Variants in FRMD3 observed in about 807,000 individuals in gnomAD.
FRMD3 encodes FERM domain-containing protein 3.
FRMD3 carries 33 observed loss-of-function variants against 70.2 expected under a neutral mutation model. The ratio of observed to expected loss-of-function variants is 0.47; its 90% CI spans 0.36 to 0.63. The LOEUF (loss-of-function observed/expected upper bound fraction) is 0.63, where lower values mean the gene tolerates loss of function less well. FRMD3 is among the 20% of genes least tolerant of loss of function. The pLI is 0.00. For synonymous variants in FRMD3, 279 were observed against 255.9 expected, an observed-to-expected ratio of 1.09 and a Z score of -0.86; for missense variants, 632 against 711.4, an observed-to-expected ratio of 0.89 and a Z score of 1.27.
chr9:83,355,841 T>C (rs967966380), intron 3 of FRMD3, among the ~76,000 whole-genome samples: 2 of 151,874 alleles, frequency 1.3e-5, no homozygotes, highest in Non-Finnish European at 2.9e-5. Context: ...ACCACCAGAG[T>C]AGCAGAGAAG....
intron 13 of FRMD3, among the ~76,000 whole-genome samples, chr9:83,288,139 A>G (rs1187134952): frequency 6.6e-6 from 1 of 152,212 alleles, no homozygotes; most frequent in Non-Finnish European, 1.5e-5. Context: ...CCCATTCACA[A>G]AGATGAAAAC....
chr9:83,469,853 G>C (rs1041473627), intron 1 of FRMD3, among the ~76,000 whole-genome samples: 1 of 152,192 alleles, frequency 6.6e-6, no homozygotes. Context: ...AACTAAGATG[G>C]GGGGCGGGGA....
intron 4 of FRMD3, among the ~76,000 whole-genome samples, chr9:83,346,545 AAG>A (rs1374990739): frequency 6.6e-6 from 1 of 152,196 alleles, no homozygotes; most frequent in Non-Finnish European, 1.5e-5. Context: ...CTTGGGAGAA[AAG>A]AGAATACTGG....
At chr9:83,540,084 G>C (rs375500242), upstream of FRMD3, among the ~76,000 whole-genome samples, 6 of 152,148 alleles carry the variant, frequency 3.9e-5, no homozygotes, top group Non-Finnish European at 7.4e-5. Context: ...TCCCACAGGT[G>C]GCTGGGAAGC....
intron 1 of FRMD3, among the ~76,000 whole-genome samples, chr9:83,450,663 C>T (rs762299726): frequency 3.9e-5 from 6 of 152,194 alleles, no homozygotes; most frequent in Non-Finnish European, 8.8e-5. Flanking sequence ...AGGGAAGGCT[C>T]TGACTCCAGG....
At chr9:83,500,580 A>T (rs7045457) in intron 1 of FRMD3, among the ~76,000 whole-genome samples, 4,810 of 145,328 alleles carry the variant, frequency 0.033, 263 homozygotes, top group African/African-American at 0.11. Context: ...GAGAACCATC[A>T]GTCTATAGGA....
intron 1 of FRMD3, among the ~76,000 whole-genome samples, chr9:83,529,333 T>C (rs995069943): frequency 2.0e-5 from 3 of 152,170 alleles, no homozygotes; most frequent in African/African-American, 7.2e-5. Flanking sequence ...TGACACAAAA[T>C]GGATCAAATA....
At chr9:83,271,454 T>A (rs1002080383) in intron 13 of FRMD3, among the ~76,000 whole-genome samples, 3 of 152,180 alleles carry the variant, frequency 2.0e-5, no homozygotes, top group Non-Finnish European at 4.4e-5. Context: ...AGGAGGGGTA[T>A]ATTCTTGGGT....
the FRMD3 span, among the ~76,000 whole-genome samples, chr9:83,548,109 T>C: frequency 2.6e-5 from 4 of 152,214 alleles, no homozygotes; most frequent in East Asian, 1.9e-4. Context: ...GGAATTCTCA[T>C]TGATCACTGG....
chr9:83,434,819 CTTTTTTTTTTTTT>C (rs757810185), intron 1 of FRMD3, among the ~76,000 whole-genome samples: 1 of 74,878 alleles, frequency 1.3e-5, no homozygotes, highest in Non-Finnish European at 2.3e-5. Context: ...CACCCCTCTG[CTTTTTTTTTTTTT>C]TTTTTTTTTT....
chr9:83,451,844 A>T (rs1013770938), intron 1 of FRMD3, among the ~76,000 whole-genome samples: 9 of 152,244 alleles, frequency 5.9e-5, no homozygotes, highest in Non-Finnish European at 1.2e-4. Context: ...ACAATTTAAC[A>T]ATTTATAACT....
chr9:83,467,719 T>A, intron 1 of FRMD3: 1 of 1,532,874 alleles, frequency 6.5e-7, no homozygotes, highest in South Asian at 1.2e-5. Context: ...CATCTCGTCT[T>A]CTGTCTCTGG....
chr9:83,370,451 T>C (rs959333669), intron 3 of FRMD3, among the ~76,000 whole-genome samples: 3 of 152,178 alleles, frequency 2.0e-5, no homozygotes, highest in African/African-American at 7.2e-5. Flanking sequence ...ACAACAGGGA[T>C]TGGGTGGTGG....
At chr9:83,562,622 G>A in the FRMD3 span, among the ~76,000 whole-genome samples, 2 of 152,202 alleles carry the variant, frequency 1.3e-5, no homozygotes, top group African/African-American at 4.8e-5. Context: ...TTCACCACAC[G>A]TGGCTCCAAA....
At chr9:83,396,572 C>A (rs943492809) in intron 1 of FRMD3, among the ~76,000 whole-genome samples, 4 of 152,140 alleles carry the variant, frequency 2.6e-5, no homozygotes, top group Admixed American at 1.3e-4. Context: ...GGACACATGA[C>A]CCAGCTTAGG....
intron 3 of FRMD3, among the ~76,000 whole-genome samples, chr9:83,356,097 C>T (rs1056193919): frequency 6.6e-6 from 1 of 152,100 alleles, no homozygotes; most frequent in African/African-American, 2.4e-5. Context: ...CAGAATTTCT[C>T]ATCTCCACAT....
intron 13 of FRMD3, among the ~76,000 whole-genome samples, chr9:83,277,982 C>G (rs115773509): frequency 6.6e-6 from 1 of 152,136 alleles, no homozygotes; most frequent in African/African-American, 2.4e-5. Flanking sequence ...ACAAGTGAGA[C>G]AGTGTTTGAT....
At chr9:83,383,872 C>A (rs547384282) in intron 2 of FRMD3, among the ~76,000 whole-genome samples, 1 of 152,336 alleles carries the variant, frequency 6.6e-6, no homozygotes, top group East Asian at 1.9e-4. Flanking sequence ...TATCAAGCAT[C>A]CATTTCCCTC....
intron 13 of FRMD3, among the ~76,000 whole-genome samples, chr9:83,287,418 A>G (rs962344340): frequency 6.6e-6 from 1 of 152,144 alleles, no homozygotes; most frequent in African/African-American, 2.4e-5. Context: ...TCTGCCTCTA[A>G]TCCATTCTCT....
Sources: gnomAD v4.1 joint callset for allele counts (sites outside exome capture counted in the v4.1 genomes callset) on GRCh38, gnomAD v4.1.1 for gene constraint, MANE v1.5 for transcripts, NCBI Gene and HGNC (gene_info 2026-07-23, HGNC 2026-07-21) for gene names.